DUS2: variants seen among roughly 807,000 people sequenced by gnomAD.
DUS2 encodes dihydrouridine synthase 2, also known as tRNA-dihydrouridine(20) synthase [NAD(P)+]-like.
A neutral mutation model predicts 71.3 loss-of-function variants in DUS2; 52 were observed. The ratio of observed to expected loss-of-function variants is 0.73; its 90% CI spans 0.58 to 0.92. The LOEUF (loss-of-function observed/expected upper bound fraction) is 0.92, where lower values mean the gene tolerates loss of function less well. Ranked by LOEUF, DUS2 falls within the 40% of genes least tolerant of loss-of-function variation. The pLI, the probability that DUS2 is intolerant of heterozygous loss-of-function variation, is 0.00. For missense variants in DUS2, 558 were observed against 622.6 expected, an observed-to-expected ratio of 0.90 and a Z score of 1.10; for synonymous variants, 204 against 227.8, an observed-to-expected ratio of 0.90 and a Z score of 0.94.
At chr16:68,038,758 A>T (rs2033573784) in intron 3 of DUS2, among the ~76,000 whole-genome samples, 1 of 151,102 alleles carries the variant, frequency 6.6e-6, no homozygotes, top group African/African-American at 2.4e-5. Context: ...AAAAATAAAA[A>T]ATAAAAAGAG....
intron 7 of DUS2, among the ~76,000 whole-genome samples, chr16:68,057,817 G>T (rs1420947644): frequency 6.6e-6 from 1 of 150,812 alleles, no homozygotes; most frequent in Admixed American, 6.6e-5. Flanking sequence ...GGAGACGGAG[G>T]TTGCAGTGAG....
intron 10 of DUS2, 136 bp downstream of exon 10, chr16:68,066,772 A>G: frequency 1.2e-6 from 1 of 859,356 alleles, no homozygotes; most frequent in Non-Finnish European, 1.9e-6. Context: ...TAGCTCTTTG[A>G]TATCTTATGA....
intron 3 of DUS2, among the ~76,000 whole-genome samples, chr16:68,038,799 A>C (rs1207866750): frequency 1.3e-5 from 2 of 151,548 alleles, no homozygotes; most frequent in Admixed American, 1.3e-4. Context: ...CCGTAATACT[A>C]GTACTTTGGG....
chr16:68,038,290 C>A, intron 3 of DUS2, 141 bp downstream of exon 3: 1 of 1,209,708 alleles, frequency 8.3e-7, no homozygotes, highest in Non-Finnish European at 1.1e-6. Context: ...AGGAGACAAA[C>A]ATGTGTGACA....
At chr16:68,066,223 C>T (rs923676420) in intron 8 of DUS2, 94 bp from the exon 9 acceptor site, 20 of 1,137,710 alleles carry the variant, frequency 1.8e-5, no homozygotes, top group African/African-American at 1.1e-4. Context: ...TTCATGCCAC[C>T]GGAATGCACA....
chr16:68,023,359 G>T lies in DUS2; in HGVS notation c.-99+8G>T, dbSNP rs898229095. 6 of 903,918 alleles carry T rather than the reference G, an allele frequency of 6.6e-6. No individual in the cohort carries two copies. The highest frequency in any genetic ancestry group is 3.5e-5 in the African/African-American group (2 of 57,804). The allele number at this position is 903,918 out of a possible 1,614,324, so 56.0% of individuals were successfully genotyped here. On this transcript the variant is annotated splice_region_variant and intron_variant, in intron 1 of 16. Transcript: ENST00000565263. ...TAAGAGTTCAGCTGCGAGGTCTGTA[G>T]CTCCGAATAGGGGATGGCGACATCC...
intron 8 of DUS2, among the ~76,000 whole-genome samples, chr16:68,063,834 C>T (rs2033972040): frequency 6.6e-6 from 1 of 152,158 alleles, no homozygotes; most frequent in Non-Finnish European, 1.5e-5. Context: ...AGTGATTCTC[C>T]TGCCTCAGCC....
chr16:68,073,321 G>A (rs1287556055), intron 12 of DUS2, among the ~76,000 whole-genome samples: 1 of 152,146 alleles, frequency 6.6e-6, no homozygotes, highest in African/African-American at 2.4e-5. Context: ...TGCCCAGGCT[G>A]GAGTGCAGTG....
intron 1 of DUS2, chr16:68,023,957 AC>A (rs1229631726): frequency 6.0e-6 from 1 of 167,176 alleles, no homozygotes; most frequent in African/African-American, 2.4e-5. Context: ...AACCTGAATT[AC>A]CTAAAATAGT....
chr16:68,064,158 G>A (rs1187697376), intron 8 of DUS2, among the ~76,000 whole-genome samples: 1 of 152,212 alleles, frequency 6.6e-6, no homozygotes, highest in Non-Finnish European at 1.5e-5. Context: ...CTTTTCTTCA[G>A]TTGGCCAGTG....
chr16:68,032,231 A>T (rs2033450993), intron 2 of DUS2, among the ~76,000 whole-genome samples: 1 of 152,166 alleles, frequency 6.6e-6, no homozygotes, highest in African/African-American at 2.4e-5. Context: ...AAGTTGCCAG[A>T]CCAACCACCC....
chr16:68,057,444 G>A (rs1264634923), intron 7 of DUS2, among the ~76,000 whole-genome samples: 1 of 151,178 alleles, frequency 6.6e-6, no homozygotes, highest in African/African-American at 2.4e-5. Flanking sequence ...TTAAAAAAAA[G>A]AGAGGAGGCC....
chr16:68,066,206 C>A, intron 8 of DUS2, 111 bp from the exon 9 acceptor site: 1 of 976,566 alleles, frequency 1.0e-6, no homozygotes, highest in Non-Finnish European at 1.7e-6. Context: ...CACACATATG[C>A]AAACTGTTCA....
chr16:68,042,675 A>G (rs2033647983), intron 3 of DUS2, among the ~76,000 whole-genome samples: 1 of 151,864 alleles, frequency 6.6e-6, no homozygotes, highest in South Asian at 2.1e-4. Flanking sequence ...ACACCTGGCT[A>G]ATTTTATTTA....
intron 2 of DUS2, among the ~76,000 whole-genome samples, chr16:68,032,901 T>C (rs1598299810): frequency 1.4e-5 from 1 of 69,518 alleles, no homozygotes; most frequent in Non-Finnish European, 2.4e-5. Context: ...AGAGTGAGAC[T>C]CCATCTCAAA....
At position 68,074,020 on chromosome 16, in the gene DUS2, A is replaced by G. The variant is rs1486925888; in HGVS notation, c.811-14A>G. On this transcript the variant is annotated splice_polypyrimidine_tract_variant and intron_variant, in intron 12 of 16. Coordinates refer to ENST00000565263, the MANE Select transcript of DUS2 (RefSeq NM_017803.5). ...AGCCTGCCTGGGCATCAGGCAAGTC[A>G]TTTCTTTTCTCAGGCGGTGCAGTAT... 1.2e-6 allele frequency: 2 copies of G among 1,613,850 alleles called. No homozygotes were observed. The highest frequency in any genetic ancestry group is 1.7e-6 in the Non-Finnish European group (2 of 1,179,834).
At chr16:68,060,754 A>C (rs1161505106) in intron 7 of DUS2, among the ~76,000 whole-genome samples, 1 of 151,994 alleles carries the variant, frequency 6.6e-6, no homozygotes, top group East Asian at 1.9e-4. Flanking sequence ...ATGCAGAGGA[A>C]GGAGAATCAC....
chr16:68,041,975 A>G (rs920323463), intron 3 of DUS2, among the ~76,000 whole-genome samples: 3 of 152,014 alleles, frequency 2.0e-5, no homozygotes, highest in African/African-American at 7.2e-5. Context: ...GAACTTTTTC[A>G]TCTTGTGAAA....
In DUS2 at chr16:68,070,135, A is replaced by G. The variant is rs2034062742; in HGVS notation, c.556A>G (p.Lys186Glu). ...CAGCCCCATCTTTCTATCTCCAAGG[A>G]AGCGGGAGGAGCGACCTCAGCATCC... The part of the protein sequence containing the change: ...GIAAIAVHGR[K>E]REERPQHPVS... The change falls in exon 11 of 17, where the codon AAG (lysine) becomes GAG (glutamate). Residue 186 changes from lysine to glutamate, a missense_variant and splice_region_variant. Lys to Glu is a moderately conservative substitution (Grantham distance 56). Coordinates refer to ENST00000565263, the MANE Select transcript of DUS2 (RefSeq NM_017803.5). 5 of 1,614,034 alleles carry G rather than the reference A, an allele frequency of 3.1e-6. No homozygotes were observed. Among genetic ancestry groups the G allele is most frequent in the Non-Finnish European group, 4.2e-6 (5 of 1,179,952 alleles).
Sources: gnomAD v4.1 joint callset for allele counts (sites outside exome capture counted in the v4.1 genomes callset) on GRCh38, gnomAD v4.1.1 for gene constraint, MANE v1.5 for transcripts, NCBI Gene and HGNC (gene_info 2026-07-23, HGNC 2026-07-21) for gene names.